ANXA8: variants seen among roughly 807,000 people sequenced by gnomAD.
ANXA8 encodes the protein annexin A8.
A neutral mutation model predicts 26.8 loss-of-function variants in ANXA8; 9 were observed. The observed-to-expected ratio is 0.34, with a 90% CI of 0.20 to 0.59. The LOEUF is 0.59. ANXA8 is among the 20% of genes least tolerant of loss of function. ANXA8 has a pLI of 0.84. For synonymous variants in ANXA8, 39 were observed against 94.8 expected (o/e 0.41, Z 3.42); for missense variants, 83 against 238.5 (o/e 0.35, Z 4.29).
At chr10:47,527,425 C>A in the ANXA8 span, among the ~76,000 whole-genome samples, 18 of 111,238 alleles carry the variant, frequency 1.6e-4, no homozygotes, top group African/African-American at 5.5e-4. Context: ...TTAAGTGAAG[C>A]TTGAAAAAGT....
At chr10:47,980,397 A>G in the ANXA8 span, among the ~76,000 whole-genome samples, 1 of 151,466 alleles carries the variant, frequency 6.6e-6, no homozygotes, top group East Asian at 1.9e-4. Flanking sequence ...CAAAGCAAGC[A>G]GAAAGAAGAA....
At chr10:47,949,740 A>G in the ANXA8 span, among the ~76,000 whole-genome samples, 15 of 148,848 alleles carry the variant, frequency 1.0e-4, no homozygotes, top group Non-Finnish European at 1.9e-4. Context: ...TGCAACCACT[A>G]AACATGAAGC....
At chr10:47,528,228 C>T in the ANXA8 span, among the ~76,000 whole-genome samples, 1,392 of 141,226 alleles carry the variant, frequency 9.9e-3, 14 homozygotes, top group African/African-American at 0.033. Flanking sequence ...TACAGGCACC[C>T]GTTACCATGT....
chr10:47,659,167 G>A, the ANXA8 span, among the ~76,000 whole-genome samples: 5 of 151,668 alleles, frequency 3.3e-5, no homozygotes, highest in South Asian at 2.1e-4. Flanking sequence ...CACTGCACCC[G>A]GCTGTGTTGA....
At chr10:47,695,917 T>A in the ANXA8 span, among the ~76,000 whole-genome samples, 3 of 151,818 alleles carry the variant, frequency 2.0e-5, no homozygotes, top group East Asian at 5.8e-4. Flanking sequence ...TTAACTTGTG[T>A]GGAAGATAAT....
the ANXA8 span, among the ~76,000 whole-genome samples, chr10:47,706,038 G>T: frequency 1.3e-5 from 2 of 151,998 alleles, no homozygotes; most frequent in African/African-American, 2.4e-5. Flanking sequence ...GGTCGGTTCC[G>T]GGCGGTTGGG....
At chr10:47,949,686 T>A in the ANXA8 span, among the ~76,000 whole-genome samples, 1 of 150,188 alleles carries the variant, frequency 6.7e-6, no homozygotes, top group Non-Finnish European at 1.5e-5. Context: ...AGTGTTATAA[T>A]AGTATATTTG....
chr10:47,694,305 GA>G, the ANXA8 span, among the ~76,000 whole-genome samples: 3 of 150,042 alleles, frequency 2.0e-5, no homozygotes, highest in South Asian at 2.1e-4. Context: ...GAAATGTTGG[GA>G]AAAAAAAGAA....
At chr10:47,574,011 C>T in the ANXA8 span, among the ~76,000 whole-genome samples, 8 of 130,982 alleles carry the variant, frequency 6.1e-5, no homozygotes, top group African/African-American at 1.7e-4. Flanking sequence ...CTGATTCCGT[C>T]GACTAAAAAG....
the ANXA8 span, among the ~76,000 whole-genome samples, chr10:47,703,181 C>G: frequency 1.3e-5 from 2 of 151,828 alleles, 1 homozygote; most frequent in Admixed American, 1.3e-4. Flanking sequence ...GATATAAAGA[C>G]ATATTTATTT....
At chr10:47,986,321 T>C in the ANXA8 span, 2 of 180,064 alleles carry the variant, frequency 1.1e-5, no homozygotes, top group African/African-American at 4.8e-5. Context: ...CCCAAGCCTT[T>C]TGCTCATTTT....
chr10:47,487,382 G>A, upstream of ANXA8: 4 of 980,890 alleles, frequency 4.1e-6, 1 homozygote, highest in South Asian at 4.9e-5. Flanking sequence ...CCTGACTCCT[G>A]GGCTTTCTTT....
chr10:47,562,885 C>CA, the ANXA8 span, among the ~76,000 whole-genome samples: 1 of 150,576 alleles, frequency 6.6e-6, no homozygotes, highest in Admixed American at 6.7e-5. Context: ...TTTAGACATA[C>CA]GGTATTTTGA....
chr10:47,589,266 A>G, the ANXA8 span: 1 of 147,392 alleles, frequency 6.8e-6, no homozygotes, highest in Admixed American at 6.6e-5. Flanking sequence ...TGGCCACAGG[A>G]GGCCTTTGCC....
the ANXA8 span, chr10:47,563,791 T>C: frequency 4.2e-6 from 3 of 720,198 alleles, no homozygotes; most frequent in East Asian, 7.7e-5. Context: ...GAACTGATTT[T>C]TTTTTAAGTT....
chr10:47,695,972 C>T, the ANXA8 span, among the ~76,000 whole-genome samples: 1 of 151,672 alleles, frequency 6.6e-6, no homozygotes, highest in Non-Finnish European at 1.5e-5. Flanking sequence ...TTAAGAATGC[C>T]TTATATTCAG....
the ANXA8 span, among the ~76,000 whole-genome samples, chr10:47,533,223 A>ACCCC: frequency 7.2e-6 from 1 of 139,086 alleles, no homozygotes; most frequent in Non-Finnish European, 1.5e-5. Flanking sequence ...ACACACACAC[A>ACCCC]CCCCCGCAGA....
At chr10:47,552,430 A>G in the ANXA8 span, among the ~76,000 whole-genome samples, 1 of 151,906 alleles carries the variant, frequency 6.6e-6, no homozygotes, top group East Asian at 1.9e-4. Context: ...AACTTAAACC[A>G]GAACTTAAAT....
At chr10:47,941,149 T>C in the ANXA8 span, among the ~76,000 whole-genome samples, 53 of 146,156 alleles carry the variant, frequency 3.6e-4, 1 homozygote, top group African/African-American at 1.3e-3. Context: ...TATATTCCTG[T>C]GCAAATATGC....
Sources: gnomAD v4.1 joint callset for allele counts (sites outside exome capture counted in the v4.1 genomes callset) on GRCh38, gnomAD v4.1.1 for gene constraint, MANE v1.5 for transcripts, NCBI Gene and HGNC (gene_info 2026-07-23, HGNC 2026-07-21) for gene names.